STK32B: variants seen among roughly 807,000 people sequenced by gnomAD.
STK32B encodes serine/threonine-protein kinase 32B.
STK32B carries 43 observed loss-of-function variants against 52.6 expected under a neutral mutation model. The observed-to-expected ratio is 0.82, with a 90% CI of 0.64 to 1.05. The LOEUF is 1.05. Among genes scored for constraint, STK32B ranks in the 50% least tolerant of loss-of-function variants. STK32B has a pLI of 0.00. For synonymous variants in STK32B, 238 were observed against 204.3 expected (o/e 1.17, Z -1.41); for missense variants, 621 against 534.6 (o/e 1.16, Z -1.59).
chr4:5,094,323 C>T (rs1713261582), intron 1 of STK32B, among the ~76,000 whole-genome samples: 1 of 152,082 alleles, frequency 6.6e-6, no homozygotes, highest in Admixed American at 6.6e-5. Context: ...GTGCTTCTGC[C>T]AACCAAGAGC....
At chr4:5,171,341 G>C (rs1268611970) in intron 3 of STK32B, among the ~76,000 whole-genome samples, 2 of 151,876 alleles carry the variant, frequency 1.3e-5, no homozygotes, top group East Asian at 1.9e-4. Context: ...TTTGGCTTTT[G>C]TTGCCATTGC....
chr4:5,402,797 G>T lies in STK32B; in HGVS notation c.472+4553G>T, dbSNP rs115324968. Among the ~76,000 whole-genome samples the T allele has an allele frequency of 4.4e-3, 665 of 152,338 alleles. 6 individuals are homozygous for T. Among genetic ancestry groups the T allele is most frequent in the African/African-American group, 0.016 (647 of 41,578 alleles). On this transcript the variant is annotated intron_variant, in intron 5 of 11. Coordinates refer to ENST00000282908, the MANE Select transcript of STK32B (RefSeq NM_018401.3). ...GATGACCCGTTGGGGTCAAGGCCAG[G>T]ACAGAGCAAGCATGGGGCTGTGGGG...
intron 1 of STK32B, among the ~76,000 whole-genome samples, chr4:5,070,431 G>C (rs1014653935): frequency 6.6e-6 from 1 of 152,130 alleles, no homozygotes; most frequent in Admixed American, 6.5e-5. Flanking sequence ...GTGAGCCCCC[G>C]TCCTTTAGAA....
At chr4:5,301,044 A>T (rs185353295) in intron 3 of STK32B, among the ~76,000 whole-genome samples, 2 of 152,258 alleles carry the variant, frequency 1.3e-5, no homozygotes, top group East Asian at 3.9e-4. Context: ...AGATGATCAT[A>T]TAAGTTTTAT....
chr4:5,374,067 G>A (rs1735425645), intron 4 of STK32B, among the ~76,000 whole-genome samples: 2 of 152,324 alleles, frequency 1.3e-5, no homozygotes, highest in Admixed American at 6.5e-5. Context: ...GAAATGCAGA[G>A]GGGAGAAGGC....
At chr4:5,218,993 A>T (rs984442522) in intron 3 of STK32B, among the ~76,000 whole-genome samples, 1 of 152,002 alleles carries the variant, frequency 6.6e-6, no homozygotes, top group African/African-American at 2.4e-5. Flanking sequence ...TGCCCTCGGT[A>T]CTCCAGACCA....
intron 1 of STK32B, among the ~76,000 whole-genome samples, chr4:5,100,991 T>G (rs566935635): frequency 6.6e-6 from 1 of 152,040 alleles, no homozygotes. Context: ...CTCGAACTCA[T>G]GGGCTCAAGT....
At position 5,216,202 on chromosome 4, in the gene STK32B, C is replaced by T. The variant is rs116089175; in HGVS notation, c.260+47752C>T. 9.1e-3 allele frequency among the ~76,000 whole-genome samples: 1,390 copies of T among 152,182 alleles called. 20 individuals carry two copies. Among genetic ancestry groups the T allele is most frequent in the African/African-American group, 0.032 (1,317 of 41,514 alleles). On this transcript the variant is annotated intron_variant, in intron 3 of 11. Transcript: ENST00000282908. The stretch of plus-strand genomic sequence containing the variant: ...TTAGTGGATCTGGGTTTGGAACTAG[C>T]GGACTTGCATTTCTAACAAGTCTCT...
At chr4:5,037,069 A>C in the STK32B span, among the ~76,000 whole-genome samples, 9 of 152,260 alleles carry the variant, frequency 5.9e-5, no homozygotes, top group African/African-American at 2.2e-4. Context: ...TGTCTGAGCT[A>C]TTGACCCTAT....
intron 3 of STK32B, among the ~76,000 whole-genome samples, chr4:5,222,247 G>A (rs1447059212): frequency 1.3e-5 from 2 of 152,152 alleles, no homozygotes; most frequent in African/African-American, 4.8e-5. Flanking sequence ...GGTACCAAGA[G>A]TGGGGTGTTA....
Position 5,140,171 on chromosome 4 carries a change from G to A in STK32B, c.108+211G>A, listed in dbSNP as rs771704580. 19 of 1,471,534 alleles carry A rather than the reference G, an allele frequency of 1.3e-5. No individual in the cohort carries two copies. The African/African-American group carries it at 2.5e-4, about 19-fold the overall frequency. The allele number at this position is 1,471,534 out of a possible 1,614,324, so 91.2% of individuals were successfully genotyped here. ...AATTACCACAACAGCCCTGGTTTAG[G>A]TGAATTACAATGGTATTTATTTCAG... On this transcript the variant is annotated intron_variant, in intron 2 of 11. Transcript: ENST00000282908.
At chr4:5,338,120 T>C (rs377638161) in intron 4 of STK32B, among the ~76,000 whole-genome samples, 2 of 152,186 alleles carry the variant, frequency 1.3e-5, no homozygotes, top group East Asian at 1.9e-4. Context: ...ATTAATGCTG[T>C]TGTAACAAAA....
intron 5 of STK32B, among the ~76,000 whole-genome samples, chr4:5,410,145 C>T (rs536840071): frequency 3.3e-5 from 5 of 152,284 alleles, no homozygotes; most frequent in East Asian, 1.9e-4. Flanking sequence ...TCAGCGCCCA[C>T]GGCTCCAAAG....
At chr4:5,412,351 T>TAGATG (rs1711765346) in intron 5 of STK32B, among the ~76,000 whole-genome samples, 2 of 152,222 alleles carry the variant, frequency 1.3e-5, no homozygotes, top group African/African-American at 4.8e-5. Context: ...TCCTACATCT[T>TAGATG]CGGTTGCCCA....
chr4:5,257,301 G>A (rs1577255206), intron 3 of STK32B, among the ~76,000 whole-genome samples: 2 of 152,254 alleles, frequency 1.3e-5, no homozygotes, highest in South Asian at 4.1e-4. Flanking sequence ...GTGAGTGAAT[G>A]AATGAATGAG....
intron 4 of STK32B, among the ~76,000 whole-genome samples, chr4:5,341,738 C>G (rs140029728): frequency 0.016 from 2,494 of 152,216 alleles, 35 homozygotes; most frequent in South Asian, 0.043. Flanking sequence ...GGCATCTGTT[C>G]GGCTTCTGGG....
At chr4:5,333,612 C>T (rs918621850) in intron 4 of STK32B, among the ~76,000 whole-genome samples, 1 of 152,124 alleles carries the variant, frequency 6.6e-6, no homozygotes, top group Non-Finnish European at 1.5e-5. Flanking sequence ...GGTTTTAGGT[C>T]TGACATTTAA....
rs1401987253 is a variant in STK32B, at chr4:5,051,764, C to T, written c.-100C>T. ...GCTCCGCGCGCGGCTACAACCCGGA[C>T]TGGGCGCGCCCCCGGCATCCCGCAT... On this transcript the variant is annotated 5_prime_UTR_variant, in exon 1 of 12. Coordinates refer to ENST00000282908, the MANE Select transcript of STK32B (RefSeq NM_018401.3). 9 of 1,511,770 alleles carry T rather than the reference C, an allele frequency of 6.0e-6. No individual in the cohort carries two copies. Among genetic ancestry groups the T allele is most frequent in the Non-Finnish European group, 8.0e-6 (9 of 1,121,476 alleles). The allele number at this position is 1,511,770 out of a possible 1,614,324, so 93.6% of individuals were successfully genotyped here. A position where few individuals can be genotyped will look rare whatever the true frequency, so the allele number is the denominator to read the frequency against.
At chr4:5,488,330 G>T (rs1719405800) in intron 11 of STK32B, among the ~76,000 whole-genome samples, 1 of 152,106 alleles carries the variant, frequency 6.6e-6, no homozygotes, top group African/African-American at 2.4e-5. Context: ...AAGATTTTAT[G>T]GTGTAATGGT....
Sources: allele counts gnomAD v4.1 joint callset (sites outside exome capture counted in the v4.1 genomes callset), GRCh38; gene constraint gnomAD v4.1.1; transcripts MANE v1.5; gene names NCBI Gene and HGNC (gene_info 2026-07-23, HGNC 2026-07-21).